RASSF3: variants seen among roughly 807,000 people sequenced by gnomAD.
RASSF3 encodes the protein ras association domain-containing protein 3.
In RASSF3, 19 loss-of-function variants were observed where a neutral mutation model predicts 19.9. The ratio of observed to expected loss-of-function variants is 0.96; its 90% CI spans 0.67 to 1.40. The LOEUF (loss-of-function observed/expected upper bound fraction) is 1.40. Among genes scored for constraint, RASSF3 ranks in the 40% most tolerant of loss-of-function variants. RASSF3 has a pLI of 0.00. For missense variants in RASSF3, 306 were observed against 289.8 expected (o/e 1.06, Z -0.41); for synonymous variants, 110 against 104.2 (o/e 1.06, Z -0.34).
intron 3 of RASSF3, among the ~76,000 whole-genome samples, chr12:64,689,881 G>A (rs376988309): frequency 4.9e-4 from 72 of 145,474 alleles, no homozygotes; most frequent in African/African-American, 1.5e-3. Flanking sequence ...TCCACCTCCC[G>A]GGTTCACGCC....
At chr12:64,530,308 A>ATT (rs35437783), upstream of RASSF3, among the ~76,000 whole-genome samples, 2,591 of 147,704 alleles carry the variant, frequency 0.018, 41 homozygotes, top group African/African-American at 0.036. Flanking sequence ...GTGCACAACA[A>ATT]TTTTTTTTTT....
At chr12:64,619,981 A>C (rs927769879) in intron 1 of RASSF3, among the ~76,000 whole-genome samples, 11 of 138,816 alleles carry the variant, frequency 7.9e-5, no homozygotes, top group South Asian at 4.5e-4. Context: ...CTTTATATCA[A>C]AAAAAAAAAA....
intron 2 of RASSF3, among the ~76,000 whole-genome samples, chr12:64,600,542 A>T (rs1870074528): frequency 6.6e-6 from 1 of 152,158 alleles, no homozygotes; most frequent in Admixed American, 6.5e-5. Context: ...TGCCAAAAAG[A>T]TCCAAATGTT....
intron 2 of RASSF3, among the ~76,000 whole-genome samples, chr12:64,550,486 G>A (rs1254478629): frequency 5.9e-5 from 9 of 151,938 alleles, no homozygotes; most frequent in Non-Finnish European, 7.4e-5. Context: ...CCAACGTGGC[G>A]AAACCCTATC....
At chr12:64,513,282 A>G (rs1868339029) in intron 1 of RASSF3, among the ~76,000 whole-genome samples, 1 of 151,950 alleles carries the variant, frequency 6.6e-6, no homozygotes, top group Non-Finnish European at 1.5e-5. Context: ...CGTCTCTACT[A>G]AAAATACAAA....
At chr12:64,678,679 C>CA (rs1300804387) in intron 1 of RASSF3, among the ~76,000 whole-genome samples, 2 of 103,434 alleles carry the variant, frequency 1.9e-5, no homozygotes, top group Non-Finnish European at 4.2e-5. Context: ...AACAAAAACC[C>CA]AAAAACCTCT....
At chr12:64,592,572 C>T (rs1344411404) in intron 2 of RASSF3, among the ~76,000 whole-genome samples, 1 of 152,080 alleles carries the variant, frequency 6.6e-6, no homozygotes, top group Non-Finnish European at 1.5e-5. Context: ...TCCAAACAAC[C>T]GTATGTGAGA....
Position 64,666,508 on chromosome 12 carries a change from G to T in RASSF3, c.112-18279G>T, listed in dbSNP as rs1261880. On this transcript the variant is annotated intron_variant, in intron 1 of 4. Transcript: ENST00000542104. The stretch of plus-strand genomic sequence containing the variant: ...TGAGCAGATTTGAGCAGTGTACTCT[G>T]GTTTTCCAAAGCCTTCCATTAGGTG... 2.4e-3 allele frequency among the ~76,000 whole-genome samples: 359 copies of T among 152,076 alleles called. 1 individual carries two copies. The highest frequency in any genetic ancestry group is 6.9e-3 in the Middle Eastern group (2 of 290).
intron 1 of RASSF3, among the ~76,000 whole-genome samples, chr12:64,618,915 T>A (rs1319547180): frequency 6.6e-6 from 1 of 151,726 alleles, no homozygotes; most frequent in Non-Finnish European, 1.5e-5. Context: ...CCCTAAAACT[T>A]AAAGTATAAT....
intron 2 of RASSF3, among the ~76,000 whole-genome samples, chr12:64,575,937 T>C (rs545484426): frequency 6.6e-6 from 1 of 151,326 alleles, no homozygotes; most frequent in East Asian, 1.9e-4. Context: ...TTGCCCAGGC[T>C]AGAGTGCAAT....
At chr12:64,521,753 C>T (rs1189335827) in intron 1 of RASSF3, among the ~76,000 whole-genome samples, 3 of 152,156 alleles carry the variant, frequency 2.0e-5, no homozygotes, top group African/African-American at 7.2e-5. Flanking sequence ...TATTATTACT[C>T]CCCACCCCTC....
chr12:64,545,759 T>G (rs987109442), downstream of RASSF3, among the ~76,000 whole-genome samples: 3 of 151,986 alleles, frequency 2.0e-5, no homozygotes, highest in Non-Finnish European at 4.4e-5. Flanking sequence ...AGACCTCATC[T>G]CTACAAAAAA....
intron 1 of RASSF3, among the ~76,000 whole-genome samples, chr12:64,635,807 A>G (rs1213184418): frequency 7.9e-5 from 12 of 152,150 alleles, no homozygotes; most frequent in Admixed American, 6.6e-4. Context: ...GTGAGGGTCA[A>G]GGGACAATGG....
chr12:64,530,086 T>A (rs1243029701), upstream of RASSF3, among the ~76,000 whole-genome samples: 1 of 152,184 alleles, frequency 6.6e-6, no homozygotes, highest in Non-Finnish European at 1.5e-5. Flanking sequence ...GGTCCCTTTG[T>A]AATCCTTCTT....
intron 2 of RASSF3, among the ~76,000 whole-genome samples, chr12:64,577,215 T>C (rs1869609490): frequency 1.3e-5 from 2 of 152,238 alleles, no homozygotes; most frequent in African/African-American, 4.8e-5. Context: ...AGGGTTGTGA[T>C]GGCAGGAATT....
At chr12:64,527,416 C>T (rs1460416884) in intron 1 of RASSF3, among the ~76,000 whole-genome samples, 1 of 152,214 alleles carries the variant, frequency 6.6e-6, no homozygotes, top group African/African-American at 2.4e-5. Context: ...ATAAAGTACA[C>T]TAATATGGCA....
At chr12:64,678,586 T>C (rs1872992637) in intron 1 of RASSF3, among the ~76,000 whole-genome samples, 1 of 151,582 alleles carries the variant, frequency 6.6e-6, no homozygotes, top group South Asian at 2.1e-4. Flanking sequence ...ATATTTGCTC[T>C]TTTTTGTTTG....
chr12:64,689,788 A>ATTTTTTTTTTT (rs1285995154), intron 3 of RASSF3, among the ~76,000 whole-genome samples: 1 of 42,908 alleles, frequency 2.3e-5, no homozygotes, highest in African/African-American at 7.8e-5. Flanking sequence ...TAATTCGCTA[A>ATTTTTTTTTTT]TTCTTTTTTT....
In RASSF3 at chr12:64,687,622, A is replaced by C. The variant is rs1003532665; in HGVS notation, c.220-594A>C. 2.4e-3 allele frequency among the ~76,000 whole-genome samples: 360 copies of C among 152,218 alleles called. 6 individuals are homozygous for C. The highest frequency in any genetic ancestry group is 3.2e-4 in the Non-Finnish European group (22 of 68,014). ...ATGCTGCTTAAGAGACCCGAAATGC[A>C]TTCTATGCTGTATGGCATATATGCT... On this transcript the variant is annotated intron_variant, in intron 2 of 4. Coordinates refer to ENST00000542104, the MANE Select transcript of RASSF3 (RefSeq NM_178169.4).
Sources: gnomAD v4.1 joint callset for allele counts (sites outside exome capture counted in the v4.1 genomes callset) on GRCh38, gnomAD v4.1.1 for gene constraint, MANE v1.5 for transcripts, NCBI Gene and HGNC (gene_info 2026-07-23, HGNC 2026-07-21) for gene names.